The following WDFY3 variants were observed in gnomAD, a reference collection of about 807,000 sequenced individuals.
The protein encoded by WDFY3 is WD repeat and FYVE domain containing 3.
In WDFY3, 66 loss-of-function variants were observed where a neutral mutation model predicts 409.6. The ratio of observed to expected loss-of-function variants is 0.16; its 90% CI spans 0.13 to 0.20. WDFY3 has a LOEUF of 0.20. WDFY3 is among the 10% of genes least tolerant of loss of function. WDFY3 has a pLI of 1.00. For missense variants in WDFY3, 3,031 were observed against 4,298.1 expected (o/e 0.71, Z 8.24); for synonymous variants, 1,521 against 1,537.1 (o/e 0.99, Z 0.25).
chr4:84,741,957 G>C, intron 37 of WDFY3, 36 bp from the exon 38 acceptor site: 1 of 1,546,018 alleles, frequency 6.5e-7, no homozygotes, highest in Non-Finnish European at 8.8e-7. Flanking sequence ...TAAGAAAATT[G>C]ATATCTACCA....
intron 1 of WDFY3, among the ~76,000 whole-genome samples, chr4:84,952,072 G>T (rs986702901): frequency 1.3e-5 from 2 of 152,138 alleles, no homozygotes; most frequent in African/African-American, 4.8e-5. Context: ...GAAAAGCAAT[G>T]CAGTACAACT....
rs535794119 is a variant in WDFY3, at chr4:84,686,814, C to T, written c.9543+1272G>A. Among the ~76,000 whole-genome samples the T allele has an allele frequency of 7.9e-5, 12 of 152,240 alleles. No homozygotes were observed. In the East Asian group the frequency reaches 9.7e-4, roughly 12 times the overall value. On this transcript the variant is annotated intron_variant, in intron 62 of 67. Coordinates refer to ENST00000295888, the MANE Select transcript of WDFY3 (RefSeq NM_014991.6). ...GCGACACACATCATCAACTTACTAA[C>T]GCGATAAGCTTGTGAGGCCTTAGTC...
At chr4:84,676,715 T>C (rs186569063) in intron 67 of WDFY3, among the ~76,000 whole-genome samples, 3 of 152,182 alleles carry the variant, frequency 2.0e-5, no homozygotes, top group Admixed American at 1.3e-4. Context: ...TATAAATGGA[T>C]TTCAAAAACA....
intron 58 of WDFY3, among the ~76,000 whole-genome samples, chr4:84,695,621 C>T (rs947232497): frequency 3.3e-5 from 5 of 151,462 alleles, no homozygotes; most frequent in Non-Finnish European, 4.4e-5. Context: ...ATGACCATGT[C>T]ATTTCTCTGC....
At chr4:84,909,048 G>GCA (rs1009275659) in intron 2 of WDFY3, among the ~76,000 whole-genome samples, 20 of 145,330 alleles carry the variant, frequency 1.4e-4, no homozygotes, top group African/African-American at 2.6e-5. Flanking sequence ...ACACACACAC[G>GCA]CACACACACA....
intron 50 of WDFY3, among the ~76,000 whole-genome samples, chr4:84,713,805 T>A (rs1156620946): frequency 6.6e-6 from 1 of 152,204 alleles, no homozygotes; most frequent in Non-Finnish European, 1.5e-5. Flanking sequence ...ACCAGAGATG[T>A]GTGTTGTTTT....
intron 14 of WDFY3, chr4:84,809,212 G>T (rs1018969776): frequency 2.6e-5 from 4 of 152,100 alleles, no homozygotes; most frequent in Non-Finnish European, 5.9e-5. Flanking sequence ...GAGAACCCTG[G>T]ATTCCCCCAC....
chr4:84,888,020 C>T (rs1176967436), intron 3 of WDFY3, among the ~76,000 whole-genome samples: 1 of 152,078 alleles, frequency 6.6e-6, no homozygotes, highest in African/African-American at 2.4e-5. Flanking sequence ...GACTCATGAG[C>T]GGTATCTTGG....
At chr4:84,850,667 G>C (rs529272301) in intron 4 of WDFY3, among the ~76,000 whole-genome samples, 1 of 152,040 alleles carries the variant, frequency 6.6e-6, no homozygotes, top group African/African-American at 2.4e-5. Flanking sequence ...AAGTTATAAA[G>C]GATCTTTGAT....
intron 26 of WDFY3, among the ~76,000 whole-genome samples, chr4:84,779,451 C>T (rs1274583926): frequency 8.1e-5 from 12 of 148,928 alleles, no homozygotes; most frequent in African/African-American, 2.7e-4. Flanking sequence ...CTTGCTCCTT[C>T]GCCCAGGCTG....
chr4:84,776,883 G>T (rs1745639324), intron 27 of WDFY3, among the ~76,000 whole-genome samples: 1 of 152,086 alleles, frequency 6.6e-6, no homozygotes. Context: ...AAAGAATGAG[G>T]TCCCAAGGGT....
chr4:84,739,644 C>T (rs1738057323), intron 39 of WDFY3, among the ~76,000 whole-genome samples: 1 of 152,078 alleles, frequency 6.6e-6, no homozygotes, highest in Non-Finnish European at 1.5e-5. Flanking sequence ...GTTAGGGGCC[C>T]CTCTTATGTG....
intron 3 of WDFY3, among the ~76,000 whole-genome samples, chr4:84,872,901 G>C (rs992544565): frequency 3.3e-5 from 5 of 152,134 alleles, no homozygotes; most frequent in African/African-American, 1.2e-4. Context: ...AATTTTACAA[G>C]ATGTAGTCTT....
intron 36 of WDFY3, among the ~76,000 whole-genome samples, chr4:84,748,236 T>A (rs1274546104): frequency 6.6e-6 from 1 of 152,214 alleles, no homozygotes; most frequent in African/African-American, 2.4e-5. Flanking sequence ...AGTCAATTTT[T>A]TGAGTATGTT....
At chr4:84,723,744 G>A (rs564619801) in intron 46 of WDFY3, among the ~76,000 whole-genome samples, 1 of 152,340 alleles carries the variant, frequency 6.6e-6, no homozygotes, top group Admixed American at 6.5e-5. Flanking sequence ...GAACAGAGGA[G>A]TTGGAGAAGA....
chr4:84,685,355 C>T (rs1728134972), intron 62 of WDFY3, among the ~76,000 whole-genome samples: 1 of 152,166 alleles, frequency 6.6e-6, no homozygotes, highest in Admixed American at 6.5e-5. Flanking sequence ...TACTGCTGCT[C>T]CTTGCTCCTC....
intron 1 of WDFY3, among the ~76,000 whole-genome samples, chr4:84,957,168 C>G (rs905807050): frequency 5.3e-5 from 8 of 150,342 alleles, no homozygotes; most frequent in Non-Finnish European, 7.4e-5. Flanking sequence ...AACAAAATCT[C>G]AGCACTTTAG....
chr4:84,766,204 A>T (rs1403569187), intron 31 of WDFY3, 48 bp downstream of exon 31: 2 of 1,539,936 alleles, frequency 1.3e-6, no homozygotes, highest in Non-Finnish European at 1.8e-6. Flanking sequence ...ACATGAATTA[A>T]CTAGTAGTAG....
At position 84,850,101 on chromosome 4, in the gene WDFY3, T is replaced by A. The variant is rs1245092901; in HGVS notation, c.181-76A>T. On this transcript the variant is annotated intron_variant, in intron 4 of 67. Coordinates refer to ENST00000295888, the MANE Select transcript of WDFY3 (RefSeq NM_014991.6). Reference sequence around the variant, plus strand: ...TTATTTTGTGAATTTTCAAGTGTGGTATGACTTGAAAATCAAGTCCAGAAA... The same window carrying A: ...TTATTTTGTGAATTTTCAAGTGTGGAATGACTTGAAAATCAAGTCCAGAAA... The A allele has an allele frequency of 3.4e-6, 5 of 1,474,354 alleles. No homozygotes were observed. In the East Asian group the frequency reaches 1.2e-4, roughly 35 times the overall value. 91.3% of individuals were successfully genotyped at this position (1,474,354 alleles called of 1,614,324 possible). A position where few individuals can be genotyped will look rare whatever the true frequency, so the allele number is the denominator to read the frequency against.
Sources: allele counts gnomAD v4.1 joint callset (sites outside exome capture counted in the v4.1 genomes callset), GRCh38; gene constraint gnomAD v4.1.1; transcripts MANE v1.5; gene names NCBI Gene and HGNC (gene_info 2026-07-23, HGNC 2026-07-21).